The following SORCS3 variants were observed in gnomAD, a reference collection of about 807,000 sequenced individuals.
SORCS3 encodes sortilin related VPS10 domain containing receptor 3, also known as VPS10 domain-containing receptor SorCS3.
Under a neutral mutation model 146.3 loss-of-function variants are expected in SORCS3, and 57 were observed. That is an observed-to-expected ratio of 0.39 (90% CI 0.31 to 0.49). SORCS3 has a LOEUF of 0.49. Among genes scored for constraint, SORCS3 ranks in the 20% least tolerant of loss-of-function variants. The probability of loss-of-function intolerance (pLI) is 0.92; values close to 1 mark genes in which losing one functional copy is unlikely to be tolerated. For missense variants in SORCS3, 1,341 were observed against 1,575.5 expected (o/e 0.85, Z 2.52); for synonymous variants, 653 against 618.5 (o/e 1.06, Z -0.83).
At chr10:104,856,362 A>C (rs1004960660) in intron 2 of SORCS3, among the ~76,000 whole-genome samples, 1 of 150,428 alleles carries the variant, frequency 6.6e-6, no homozygotes, top group African/African-American at 2.4e-5. Context: ...ATAGAGAGAA[A>C]GATAAAGGAA....
chr10:104,713,967 T>G (rs1160766168), intron 1 of SORCS3, among the ~76,000 whole-genome samples: 1 of 152,196 alleles, frequency 6.6e-6, no homozygotes, highest in Non-Finnish European at 1.5e-5. Context: ...TATTTCTCCT[T>G]GTGTGAGTTA....
At chr10:104,839,640 T>A (rs2133544503) in intron 1 of SORCS3, among the ~76,000 whole-genome samples, 1 of 152,132 alleles carries the variant, frequency 6.6e-6, no homozygotes, top group East Asian at 1.9e-4. Context: ...CAGTAAAGGT[T>A]TCTGATCAAG....
rs553824955 is a variant in SORCS3, at chr10:104,692,173, C to G, written c.627+50219C>G. 3.2e-4 allele frequency among the ~76,000 whole-genome samples: 48 copies of G among 152,222 alleles called. No individual in the cohort carries two copies. The South Asian group carries it at 9.4e-3, about 30-fold the overall frequency. ...CTGGGGAAGGGATTGAGCCTTTTTC[C>G]TCCTTCCTTCTCAGTTGGGGAAGGG... is the stretch of plus-strand genomic sequence containing the variant. On this transcript the variant is annotated intron_variant, in intron 1 of 26. Coordinates refer to ENST00000369701, the MANE Select transcript of SORCS3 (RefSeq NM_014978.3).
chr10:105,035,469 T>G lies in SORCS3; in HGVS notation c.955-7586T>G, dbSNP rs1201335782. Reference sequence around the variant, plus strand: ...TACCCTGCCCTTCTCACCAAGTTTTTTTTTTTTTTTCTTTTTGAGATGGAG... The same window carrying G: ...TACCCTGCCCTTCTCACCAAGTTTTGTTTTTTTTTTCTTTTTGAGATGGAG... On this transcript the variant is annotated intron_variant, in intron 4 of 26. Coordinates refer to ENST00000369701, the MANE Select transcript of SORCS3 (RefSeq NM_014978.3). Among the ~76,000 whole-genome samples the G allele has an allele frequency of 2.0e-5, 3 of 151,926 alleles. No individual in the cohort carries two copies. In the East Asian group the frequency reaches 5.8e-4, roughly 29 times the overall value.
chr10:104,705,157 A>G (rs1395265971), intron 1 of SORCS3, among the ~76,000 whole-genome samples: 1 of 151,778 alleles, frequency 6.6e-6, no homozygotes, highest in Non-Finnish European at 1.5e-5. Context: ...TGCCCTGGAC[A>G]TATTATTTTA....
At chr10:105,076,145 T>C (rs189867076) in intron 5 of SORCS3, among the ~76,000 whole-genome samples, 1 of 152,334 alleles carries the variant, frequency 6.6e-6, no homozygotes, top group Admixed American at 6.5e-5. Context: ...AGATTTTTGA[T>C]TGTTATATCA....
intron 3 of SORCS3, among the ~76,000 whole-genome samples, chr10:104,930,110 A>G (rs2019191796): frequency 6.6e-6 from 1 of 152,234 alleles, no homozygotes; most frequent in Non-Finnish European, 1.5e-5. Context: ...AGAATGGGAC[A>G]TTTAACAGAG....
chr10:104,715,003 T>C (rs556199268), intron 1 of SORCS3, among the ~76,000 whole-genome samples: 1 of 152,344 alleles, frequency 6.6e-6, no homozygotes, highest in East Asian at 1.9e-4. Flanking sequence ...GAGTATAATT[T>C]AAGCTCGTGT....
intron 7 of SORCS3, among the ~76,000 whole-genome samples, chr10:105,118,112 C>T (rs1488313338): frequency 1.3e-5 from 2 of 152,146 alleles, no homozygotes; most frequent in Non-Finnish European, 2.9e-5. Flanking sequence ...CAAATCTCAT[C>T]TTGAATTATA....
chr10:105,114,400 T>C (rs1482310144), intron 7 of SORCS3, among the ~76,000 whole-genome samples: 4 of 152,172 alleles, frequency 2.6e-5, no homozygotes, highest in African/African-American at 9.7e-5. Context: ...CTGCCAGGTC[T>C]TTCTCCACAT....
intron 7 of SORCS3, among the ~76,000 whole-genome samples, chr10:105,115,431 C>G (rs536604770): frequency 1.3e-5 from 2 of 152,166 alleles, no homozygotes; most frequent in Middle Eastern, 3.4e-3. Context: ...TTTTATAAGC[C>G]GATCACATAA....
At chr10:105,211,802 T>C (rs1200424219) in intron 17 of SORCS3, among the ~76,000 whole-genome samples, 16 of 152,234 alleles carry the variant, frequency 1.1e-4, no homozygotes, top group Non-Finnish European at 7.3e-5. Flanking sequence ...AGATTTGTTG[T>C]CTTGCCCTTT....
chr10:104,716,931 T>C (rs1212168830), intron 1 of SORCS3, among the ~76,000 whole-genome samples: 3 of 152,204 alleles, frequency 2.0e-5, no homozygotes, highest in Non-Finnish European at 4.4e-5. Flanking sequence ...TTCCCTACCA[T>C]TGAGGGAGAA....
At chr10:105,235,422 T>C (rs1042233286) in intron 20 of SORCS3, among the ~76,000 whole-genome samples, 1 of 149,744 alleles carries the variant, frequency 6.7e-6, no homozygotes, top group African/African-American at 2.5e-5. Flanking sequence ...CCCCTGGAGT[T>C]TTGAACTCTC....
intron 17 of SORCS3, among the ~76,000 whole-genome samples, chr10:105,213,798 A>G (rs145639556): frequency 9.7e-4 from 148 of 152,290 alleles, no homozygotes; most frequent in African/African-American, 3.4e-3. Flanking sequence ...GAGATTGAAT[A>G]GGAGTTTCAA....
In SORCS3 at chr10:104,763,057, A is replaced by G. The variant is rs78703428; in HGVS notation, c.628-79735A>G. Among the ~76,000 whole-genome samples the G allele has an allele frequency of 9.9e-4, 150 of 152,272 alleles. 2 individuals are homozygous for G. The East Asian group carries it at 0.026, about 26-fold the overall frequency. On this transcript the variant is annotated intron_variant, in intron 1 of 26. Transcript: ENST00000369701. ...CCAGAAGTGAGAACTGCTGCCTTAA[A>G]TGCAGGGAGGATATTTTTTTCAGTG...
At chr10:104,825,070 G>T (rs2017919372) in intron 1 of SORCS3, among the ~76,000 whole-genome samples, 1 of 152,244 alleles carries the variant, frequency 6.6e-6, no homozygotes, top group South Asian at 2.1e-4. Context: ...CTCTGTGTCA[G>T]TGAGAGGCCT....
chr10:105,168,796 A>G (rs1284060755), intron 13 of SORCS3, among the ~76,000 whole-genome samples: 2 of 152,174 alleles, frequency 1.3e-5, no homozygotes, highest in Non-Finnish European at 2.9e-5. Flanking sequence ...CTTAAAGCTT[A>G]ACCTAGCTTA....
intron 6 of SORCS3, among the ~76,000 whole-genome samples, chr10:105,096,739 G>A (rs1228113099): frequency 6.6e-6 from 1 of 152,132 alleles, no homozygotes; most frequent in African/African-American, 2.4e-5. Context: ...CTAGAGCTGT[G>A]CTGTCCATTA....
Sources: allele counts gnomAD v4.1 joint callset (sites outside exome capture counted in the v4.1 genomes callset), GRCh38; gene constraint gnomAD v4.1.1; transcripts MANE v1.5; gene names NCBI Gene and HGNC (gene_info 2026-07-23, HGNC 2026-07-21).